Variants in KRT8 observed in about 807,000 individuals in gnomAD.
KRT8 encodes the protein keratin, type II cytoskeletal 8.
KRT8 carries 24 observed loss-of-function variants against 43.0 expected under a neutral mutation model. The observed-to-expected ratio is 0.56, with a 90% CI of 0.40 to 0.78. The LOEUF is 0.78. Ranked by LOEUF, KRT8 falls within the 30% of genes least tolerant of loss-of-function variation. The probability of loss-of-function intolerance (pLI) is 0.00; values close to 1 mark genes in which losing one functional copy is unlikely to be tolerated. For synonymous variants in KRT8, 214 were observed against 261.2 expected (o/e 0.82, Z 1.74); for missense variants, 492 against 638.4 (o/e 0.77, Z 2.47).
At chr12:52,933,976 T>C (rs1942125429) in intron 2 of KRT8, among the ~76,000 whole-genome samples, 1 of 150,504 alleles carries the variant, frequency 6.6e-6, no homozygotes, top group Non-Finnish European at 1.5e-5. Context: ...ACGCCTGTAA[T>C]CCCAGCACTT....
intron 2 of KRT8, among the ~76,000 whole-genome samples, chr12:52,920,714 C>T (rs1311518842): frequency 2.0e-5 from 3 of 152,054 alleles, no homozygotes; most frequent in South Asian, 2.1e-4. Flanking sequence ...ATATGATGAA[C>T]GAATTCACAA....
upstream of KRT8, among the ~76,000 whole-genome samples, chr12:52,908,512 T>C (rs573845017): frequency 1.6e-4 from 25 of 152,328 alleles, no homozygotes; most frequent in South Asian, 5.2e-3. Flanking sequence ...TGGATGCAGA[T>C]GAGCCTTGAA....
intron 1 of KRT8, chr12:52,949,710 C>G (rs539126494): frequency 2.8e-5 from 26 of 929,800 alleles, no homozygotes; most frequent in Non-Finnish European, 4.3e-5. Flanking sequence ...GGGGGTTGGG[C>G]ATACCTGGAT....
At chr12:52,924,482 C>G (rs1037790766) in intron 2 of KRT8, among the ~76,000 whole-genome samples, 2 of 151,514 alleles carry the variant, frequency 1.3e-5, no homozygotes, top group African/African-American at 4.9e-5. Context: ...TTGATTTGGG[C>G]TCTCAGCTTT....
chr12:52,931,260 G>T (rs1246553811), intron 2 of KRT8, among the ~76,000 whole-genome samples: 2 of 151,868 alleles, frequency 1.3e-5, no homozygotes, highest in Non-Finnish European at 2.9e-5. Flanking sequence ...GTAGAGACAG[G>T]GTTTCACTGT....
intron 5 of KRT8, among the ~76,000 whole-genome samples, chr12:52,899,435 CTG>C (rs1396181899): frequency 2.6e-5 from 4 of 152,182 alleles, no homozygotes; most frequent in Non-Finnish European, 5.9e-5. Context: ...CCTACCCTAA[CTG>C]GACTAGATCC....
intron 2 of KRT8, among the ~76,000 whole-genome samples, chr12:52,941,092 G>A (rs957246617): frequency 1.7e-4 from 24 of 145,302 alleles, no homozygotes; most frequent in Non-Finnish European, 3.2e-4. Context: ...TTGAGATGGA[G>A]TTTCACTCTT....
At chr12:52,900,340 G>A (rs76389112) in intron 4 of KRT8, among the ~76,000 whole-genome samples, 2,098 of 152,270 alleles carry the variant, frequency 0.014, 37 homozygotes, top group African/African-American at 0.048. Flanking sequence ...CCTTGGATAC[G>A]TTATTTCACT....
At chr12:52,904,431 A>G (rs2070912) in intron 1 of KRT8, among the ~76,000 whole-genome samples, 55,564 of 152,076 alleles carry the variant, frequency 0.37, 10,468 homozygotes, top group Middle Eastern at 0.42. Context: ...AAAAGGGAAG[A>G]AGGAAGCCCC....
chr12:52,936,816 C>G (rs1297630164), intron 2 of KRT8, among the ~76,000 whole-genome samples: 1 of 151,948 alleles, frequency 6.6e-6, no homozygotes, highest in East Asian at 1.9e-4. Flanking sequence ...TGCCCAGCTG[C>G]TAGATTTCTT....
At chr12:52,905,117 G>T, upstream of KRT8, 1 of 1,441,672 alleles carries the variant, frequency 6.9e-7, no homozygotes, top group Non-Finnish European at 9.1e-7. Context: ...GGGATGGGGG[G>T]GAAAGGCCTC....
At chr12:52,940,469 CA>C (rs1195845648) in intron 2 of KRT8, among the ~76,000 whole-genome samples, 2 of 146,632 alleles carry the variant, frequency 1.4e-5, no homozygotes, top group South Asian at 2.2e-4. Context: ...AAAAGCTACA[CA>C]AAAAAGCTAC....
intron 2 of KRT8, among the ~76,000 whole-genome samples, chr12:52,929,787 T>C (rs1942055109): frequency 6.6e-6 from 1 of 152,200 alleles, no homozygotes; most frequent in Non-Finnish European, 1.5e-5. Flanking sequence ...CCCACCTCCC[T>C]GCCTCCACCT....
intron 2 of KRT8, among the ~76,000 whole-genome samples, chr12:52,933,647 G>A (rs564741850): frequency 2.0e-5 from 3 of 151,440 alleles, no homozygotes; most frequent in Non-Finnish European, 2.9e-5. Context: ...TTTTTGAGAC[G>A]GAGTTATGCT....
chr12:52,922,104 C>T (rs1941897640), intron 2 of KRT8, among the ~76,000 whole-genome samples: 1 of 138,690 alleles, frequency 7.2e-6, no homozygotes, highest in African/African-American at 2.7e-5. Flanking sequence ...AACTGGAGCC[C>T]AAGAGTTTGA....
chr12:52,938,164 A>AT (rs1942205667), intron 2 of KRT8, among the ~76,000 whole-genome samples: 2 of 35,720 alleles, frequency 5.6e-5, no homozygotes, highest in African/African-American at 4.0e-4. Flanking sequence ...ATATATATAT[A>AT]TATATATTTT....
At chr12:52,897,668 C>A (rs767875792) in intron 7 of KRT8, 50 bp from the exon 8 acceptor site, 1 of 1,597,278 alleles carries the variant, frequency 6.3e-7, no homozygotes, top group Non-Finnish European at 8.5e-7. Flanking sequence ...CACCCCATGG[C>A]AGGCTCCATG....
chr12:52,901,980 C>T, exon 2 of KRT8: 1 of 1,605,596 alleles, frequency 6.2e-7, no homozygotes, highest in Non-Finnish European at 8.5e-7. Context: ...AGCTCTCGAA[C>T]ATGTTGTCCA....
chr12:52,926,332 G>GCCCAC, intron 2 of KRT8: 8 of 600,266 alleles, frequency 1.3e-5, no homozygotes, highest in East Asian at 3.3e-5. Flanking sequence ...GGCACTAGCT[G>GCCCAC]CCCTCCCCAC....
Sources: allele counts gnomAD v4.1 joint callset (sites outside exome capture counted in the v4.1 genomes callset), GRCh38; gene constraint gnomAD v4.1.1; transcripts MANE v1.5; gene names NCBI Gene and HGNC (gene_info 2026-07-23, HGNC 2026-07-21).